CNST: variants seen among roughly 807,000 people sequenced by gnomAD.
CNST encodes consortin, connexin sorting protein.
CNST carries 39 observed loss-of-function variants against 72.4 expected under a neutral mutation model. The observed-to-expected ratio is 0.54, with a 90% CI of 0.42 to 0.70. The LOEUF (loss-of-function observed/expected upper bound fraction) is 0.70. Among genes scored for constraint, CNST ranks in the 30% least tolerant of loss-of-function variants. CNST has a pLI of 0.00. For synonymous variants in CNST, 332 were observed against 320.1 expected (o/e 1.04, Z -0.40); for missense variants, 871 against 868.5 (o/e 1.00, Z -0.04).
chr1:246,589,045 G>A (rs886691642), intron 1 of CNST, among the ~76,000 whole-genome samples: 3 of 152,042 alleles, frequency 2.0e-5, no homozygotes, highest in Admixed American at 6.6e-5. Context: ...AATAGCATAG[G>A]TATAGAATAG....
At chr1:246,576,486 A>G (rs1435734870) in intron 1 of CNST, among the ~76,000 whole-genome samples, 1 of 149,222 alleles carries the variant, frequency 6.7e-6, no homozygotes, top group Non-Finnish European at 1.5e-5. Context: ...CATAAAAATT[A>G]TGTTTTTACA....
chr1:246,568,227 A>T (rs1372718236), intron 1 of CNST, among the ~76,000 whole-genome samples: 1 of 152,268 alleles, frequency 6.6e-6, no homozygotes, highest in African/African-American at 2.4e-5. Flanking sequence ...GTCTTATTTC[A>T]TAATGTTTGT....
At chr1:246,648,916 G>A (rs1666288270) in intron 9 of CNST, among the ~76,000 whole-genome samples, 1 of 152,132 alleles carries the variant, frequency 6.6e-6, no homozygotes, top group South Asian at 2.1e-4. Context: ...AGCCAAAGTA[G>A]ACAGTAAAAT....
At chr1:246,654,071 A>G (rs1405108140) in intron 9 of CNST, among the ~76,000 whole-genome samples, 1 of 152,148 alleles carries the variant, frequency 6.6e-6, no homozygotes, top group East Asian at 1.9e-4. Flanking sequence ...CTTTTAAACT[A>G]TCATTCCTTT....
At chr1:246,574,538 A>C (rs1660272592) in intron 1 of CNST, among the ~76,000 whole-genome samples, 1 of 151,962 alleles carries the variant, frequency 6.6e-6, no homozygotes, top group Admixed American at 6.6e-5. Context: ...CAATCCTCCC[A>C]CTTCAGCCTC....
chr1:246,602,829 G>A (rs1662385323), intron 2 of CNST, among the ~76,000 whole-genome samples: 1 of 151,942 alleles, frequency 6.6e-6, no homozygotes, highest in Non-Finnish European at 1.5e-5. Flanking sequence ...CCTTTCCTGA[G>A]ATTGCAGGTG....
At chr1:246,574,256 T>G (rs1035600995) in intron 1 of CNST, among the ~76,000 whole-genome samples, 5 of 152,178 alleles carry the variant, frequency 3.3e-5, no homozygotes, top group African/African-American at 1.2e-4. Context: ...TTAGCCAGGA[T>G]GGTCTCGATC....
At chr1:246,643,993 A>G (rs1357230163) in intron 8 of CNST, among the ~76,000 whole-genome samples, 1 of 152,216 alleles carries the variant, frequency 6.6e-6, no homozygotes. Context: ...ATTAGATACC[A>G]TACTGTAAGT....
chr1:246,608,148 G>A (rs1401724426), intron 2 of CNST: 1 of 151,922 alleles, frequency 6.6e-6, no homozygotes, highest in Non-Finnish European at 1.5e-5. Context: ...TAGAGAACCT[G>A]TCTCTACAAA....
chr1:246,611,261 C>T (rs898666863), intron 2 of CNST, among the ~76,000 whole-genome samples: 12 of 152,278 alleles, frequency 7.9e-5, no homozygotes, highest in African/African-American at 2.4e-4. Flanking sequence ...TCTCTTGATT[C>T]GGTGGTCACT....
intron 1 of CNST, among the ~76,000 whole-genome samples, chr1:246,589,475 T>C (rs1033063258): frequency 3.9e-5 from 6 of 152,056 alleles, no homozygotes; most frequent in African/African-American, 1.4e-4. Context: ...TAGTATTCCA[T>C]GGTGTATATG....
At chr1:246,661,779 T>C (rs1667117926) in intron 10 of CNST, among the ~76,000 whole-genome samples, 1 of 152,230 alleles carries the variant, frequency 6.6e-6, no homozygotes, top group African/African-American at 2.4e-5. Context: ...TATTTAGGTA[T>C]GCTTTCTGGG....
At chr1:246,605,966 A>G (rs1662759982) in intron 2 of CNST, 1 of 151,840 alleles carries the variant, frequency 6.6e-6, no homozygotes, top group Non-Finnish European at 1.5e-5. Context: ...CATCCCCCCA[A>G]GCTTTCGGCC....
chr1:246,637,841 C>G (rs1486067403), intron 6 of CNST, among the ~76,000 whole-genome samples: 1 of 152,094 alleles, frequency 6.6e-6, no homozygotes, highest in East Asian at 1.9e-4. Flanking sequence ...ACATTTGCAC[C>G]TTCTGAAGTT....
intron 3 of CNST, among the ~76,000 whole-genome samples, chr1:246,629,578 A>G (rs1164682007): frequency 6.6e-6 from 1 of 152,188 alleles, no homozygotes; most frequent in Non-Finnish European, 1.5e-5. Context: ...CCATGTGCCA[A>G]TTTTGCACAA....
At chr1:246,598,019 C>T (rs1297634923) in intron 2 of CNST, among the ~76,000 whole-genome samples, 4 of 152,018 alleles carry the variant, frequency 2.6e-5, no homozygotes. Context: ...TTTGTTCTGT[C>T]ACCTAGGCTG....
At chr1:246,605,517 G>A (rs1422577731) in intron 2 of CNST, among the ~76,000 whole-genome samples, 7 of 152,194 alleles carry the variant, frequency 4.6e-5, no homozygotes, top group Non-Finnish European at 8.8e-5. Flanking sequence ...GACGGGCTGA[G>A]GCCTAAAATG....
chr1:246,634,652 G>T, intron 6 of CNST, 65 bp downstream of exon 6: 1 of 810,446 alleles, frequency 1.2e-6, no homozygotes, highest in Non-Finnish European at 2.0e-6. Flanking sequence ...TTATAGCATT[G>T]AGTATCCATT....
intron 3 of CNST, among the ~76,000 whole-genome samples, chr1:246,629,079 T>A (rs1664617595): frequency 3.3e-5 from 5 of 152,220 alleles, no homozygotes; most frequent in Admixed American, 3.3e-4. Context: ...ACACAATCTC[T>A]CTTTCAATCC....
Sources: allele counts gnomAD v4.1 joint callset (sites outside exome capture counted in the v4.1 genomes callset), GRCh38; gene constraint gnomAD v4.1.1; transcripts MANE v1.5; gene names NCBI Gene and HGNC (gene_info 2026-07-23, HGNC 2026-07-21).